The following KIAA1549L variants were observed in gnomAD, a reference collection of about 807,000 sequenced individuals.
KIAA1549L encodes the protein KIAA1549 like, also known as UPF0606 protein KIAA1549L.
Under a neutral mutation model 160.7 loss-of-function variants are expected in KIAA1549L, and 88 were observed. That is an observed-to-expected ratio of 0.55 (90% CI 0.46 to 0.65). The LOEUF is 0.65. Ranked by LOEUF, KIAA1549L falls within the 30% of genes least tolerant of loss-of-function variation. The pLI, the probability that KIAA1549L is intolerant of heterozygous loss-of-function variation, is 0.00. For synonymous variants in KIAA1549L, 950 were observed against 976.7 expected, an observed-to-expected ratio of 0.97 and a Z score of 0.51; for missense variants, 2,258 against 2,437.5, an observed-to-expected ratio of 0.93 and a Z score of 1.55.
At chr11:33,459,714 C>A (rs895786550) in intron 1 of KIAA1549L, among the ~76,000 whole-genome samples, 2 of 151,834 alleles carry the variant, frequency 1.3e-5, no homozygotes. Context: ...GTAATCCCAG[C>A]ACTTTGGGAG....
chr11:33,535,736 A>G (rs1853879996), intron 1 of KIAA1549L, among the ~76,000 whole-genome samples: 1 of 152,166 alleles, frequency 6.6e-6, no homozygotes, highest in African/African-American at 2.4e-5. Context: ...GTGGATCACA[A>G]AAGGCATGAC....
chr11:33,382,115 C>T (rs1465230890), intron 1 of KIAA1549L, among the ~76,000 whole-genome samples: 1 of 152,012 alleles, frequency 6.6e-6, no homozygotes, highest in African/African-American at 2.4e-5. Flanking sequence ...AATAAGAAAC[C>T]TAGAAAGTGA....
At chr11:33,660,666 A>C (rs1852229552) in intron 19 of KIAA1549L, among the ~76,000 whole-genome samples, 197 bp from the exon 20 acceptor site, 1 of 152,150 alleles carries the variant, frequency 6.6e-6, no homozygotes, top group South Asian at 2.1e-4. Flanking sequence ...GGTCCACTGC[A>C]CCTTAAATGA....
At chr11:33,430,009 C>CCTTCCTTCCTTCCTTCCTTCCTTCCTT (rs1851197946) in intron 1 of KIAA1549L, among the ~76,000 whole-genome samples, 9 of 93,298 alleles carry the variant, frequency 9.6e-5, no homozygotes, top group Non-Finnish European at 1.9e-4. Flanking sequence ...GCTCTGCCCT[C>CCTTCCTTCCTTCCTTCCTTCCTTCCTT]CCTTCCTTCC....
At chr11:33,476,199 G>A (rs1288741475) in intron 1 of KIAA1549L, among the ~76,000 whole-genome samples, 1 of 152,234 alleles carries the variant, frequency 6.6e-6, no homozygotes, top group Non-Finnish European at 1.5e-5. Flanking sequence ...TGAAAGACAA[G>A]TTTACTCTGT....
At chr11:33,625,853 G>A (rs1851096742) in intron 16 of KIAA1549L, among the ~76,000 whole-genome samples, 1 of 152,238 alleles carries the variant, frequency 6.6e-6, no homozygotes, top group South Asian at 2.1e-4. Flanking sequence ...GTCTTGAATG[G>A]TAATGCCTAG....
intron 1 of KIAA1549L, among the ~76,000 whole-genome samples, chr11:33,484,589 T>A (rs879740915): frequency 6.6e-6 from 1 of 152,202 alleles, no homozygotes; most frequent in Non-Finnish European, 1.5e-5. Context: ...AGAGTCGTTG[T>A]GAGAATGAAA....
intron 15 of KIAA1549L, among the ~76,000 whole-genome samples, chr11:33,614,553 T>TATATAC (rs1850740068): frequency 1.5e-4 from 2 of 13,232 alleles, no homozygotes; most frequent in Non-Finnish European, 3.0e-4. Flanking sequence ...TATATATATA[T>TATATAC]ATATATATAT....
rs755705749 is a variant in KIAA1549L at position 33,545,261 on chromosome 11, T to C, written c.3268T>C (p.Leu1090=). Residue 1090 remains leucine, a synonymous_variant, in exon 3 of 21, where the codon TTG becomes CTG. Coordinates refer to ENST00000658780, the MANE Select transcript of KIAA1549L (RefSeq NM_012194.3). ...ASVKATRLPP[L]RAENTDAVLP... is the part of the protein sequence containing the mutation. ...AGTGAAGGCCACCCGGTTGCCACCA[T>C]TGCGAGCAGAAAACACAGATGCTGT... 5 of 1,613,952 alleles carry C rather than the reference T, an allele frequency of 3.1e-6. No homozygotes were observed. Among genetic ancestry groups the C allele is most frequent in the Admixed American group, 1.7e-5 (1 of 60,026 alleles).
intron 1 of KIAA1549L, among the ~76,000 whole-genome samples, chr11:33,442,320 G>A (rs1851526088): frequency 6.6e-6 from 1 of 152,092 alleles, no homozygotes; most frequent in African/African-American, 2.4e-5. Context: ...TTTGGTTACT[G>A]TAGCCTTGTA....
At chr11:33,511,019 C>T (rs1469672066) in intron 1 of KIAA1549L, among the ~76,000 whole-genome samples, 1 of 152,202 alleles carries the variant, frequency 6.6e-6, no homozygotes, top group Non-Finnish European at 1.5e-5. Flanking sequence ...CCAAGTGTGC[C>T]TTCCTAGGCC....
chr11:33,476,687 C>T (rs982045208), intron 1 of KIAA1549L, among the ~76,000 whole-genome samples: 28 of 152,302 alleles, frequency 1.8e-4, no homozygotes, highest in African/African-American at 5.8e-4. Flanking sequence ...TTCTTCCAAG[C>T]GCATTGCCCC....
At chr11:33,626,012 A>G (rs1417248894) in intron 16 of KIAA1549L, among the ~76,000 whole-genome samples, 2 of 150,646 alleles carry the variant, frequency 1.3e-5, no homozygotes, top group Non-Finnish European at 2.9e-5. Flanking sequence ...TTTATTAAAT[A>G]GGGAATCCTT....
At chr11:33,416,752 T>G (rs1258605230) in intron 1 of KIAA1549L, among the ~76,000 whole-genome samples, 1 of 152,188 alleles carries the variant, frequency 6.6e-6, no homozygotes, top group Non-Finnish European at 1.5e-5. Flanking sequence ...TTAGTAATAG[T>G]CACTTTATGG....
At chr11:33,460,414 G>A (rs1015504518) in intron 1 of KIAA1549L, among the ~76,000 whole-genome samples, 1 of 152,350 alleles carries the variant, frequency 6.6e-6, no homozygotes, top group African/African-American at 2.4e-5. Flanking sequence ...GGAAGGGGTT[G>A]TGGATGAAAC....
chr11:33,600,893 A>C (rs983136419), intron 13 of KIAA1549L, among the ~76,000 whole-genome samples: 1 of 152,138 alleles, frequency 6.6e-6, no homozygotes, highest in South Asian at 2.1e-4. Context: ...CCCTGCAAAT[A>C]ATCCATAGAA....
At chr11:33,578,735 C>T (rs557671321) in intron 10 of KIAA1549L, among the ~76,000 whole-genome samples, 33 of 152,286 alleles carry the variant, frequency 2.2e-4, no homozygotes, top group African/African-American at 7.9e-4. Context: ...TATCTAAAGC[C>T]ACATAGGGGT....
At chr11:33,379,679 G>C (rs1850033876) in intron 1 of KIAA1549L, among the ~76,000 whole-genome samples, 1 of 152,206 alleles carries the variant, frequency 6.6e-6, no homozygotes, top group Non-Finnish European at 1.5e-5. Flanking sequence ...CAATGTGACT[G>C]TCTGGGTCTC....
At chr11:33,387,146 A>G (rs1850189563) in intron 1 of KIAA1549L, among the ~76,000 whole-genome samples, 1 of 151,992 alleles carries the variant, frequency 6.6e-6, no homozygotes, top group Non-Finnish European at 1.5e-5. Context: ...AATGAGAGAG[A>G]AGTATTCCCA....
Sources: gnomAD v4.1 joint callset for allele counts (sites outside exome capture counted in the v4.1 genomes callset) on GRCh38, gnomAD v4.1.1 for gene constraint, MANE v1.5 for transcripts, NCBI Gene and HGNC (gene_info 2026-07-23, HGNC 2026-07-21) for gene names.